Variants in DCAF12 observed in about 807,000 individuals in gnomAD.
The protein encoded by DCAF12 is DDB1- and CUL4-associated factor 12.
A neutral mutation model predicts 52.8 loss-of-function variants in DCAF12; 28 were observed. The observed-to-expected ratio is 0.53, with a 90% confidence interval of 0.39 to 0.73. The LOEUF (loss-of-function observed/expected upper bound fraction) is 0.73. Ranked by LOEUF, DCAF12 falls within the 30% of genes least tolerant of loss-of-function variation. DCAF12 has a pLI of 0.00. For missense variants in DCAF12, 425 were observed against 552.2 expected, an observed-to-expected ratio of 0.77 and a Z score of 2.31; for synonymous variants, 196 against 215.5, an observed-to-expected ratio of 0.91 and a Z score of 0.79.
chr9:34,112,283 G>A (rs1015833185), intron 2 of DCAF12, among the ~76,000 whole-genome samples: 1 of 152,064 alleles, frequency 6.6e-6, no homozygotes, highest in Non-Finnish European at 1.5e-5. Flanking sequence ...AATGTGAGTG[G>A]GTTTCTTATC....
chr9:34,123,195 C>T (rs1444315774), intron 2 of DCAF12, among the ~76,000 whole-genome samples: 1 of 152,196 alleles, frequency 6.6e-6, no homozygotes, highest in African/African-American at 2.4e-5. Context: ...TACATCAAAA[C>T]TTTCCTATTG....
At chr9:34,104,903 G>GC (rs973901275) in intron 4 of DCAF12, among the ~76,000 whole-genome samples, 8 of 150,486 alleles carry the variant, frequency 5.3e-5, no homozygotes, top group African/African-American at 1.5e-4. Flanking sequence ...GGGCAACACA[G>GC]CAAGACTCCG....
At chr9:34,110,453 C>G (rs1340803148) in intron 2 of DCAF12, among the ~76,000 whole-genome samples, 1 of 152,140 alleles carries the variant, frequency 6.6e-6, no homozygotes, top group East Asian at 1.9e-4. Flanking sequence ...AGTCTTTGTG[C>G]CTTCAGGCAA....
At chr9:34,104,918 C>CA (rs56012187) in intron 4 of DCAF12, among the ~76,000 whole-genome samples, 3,933 of 126,204 alleles carry the variant, frequency 0.031, 68 homozygotes, top group Non-Finnish European at 0.041. Flanking sequence ...ACTCCGTCTC[C>CA]AAAAAAAAAA....
At chr9:34,089,375 A>T in intron 8 of DCAF12, 37 bp downstream of exon 8, 1 of 1,550,686 alleles carries the variant, frequency 6.4e-7, no homozygotes, top group Non-Finnish European at 8.7e-7. Flanking sequence ...TTTTTCTGTT[A>T]CTGTGTAGCA....
chr9:34,108,162 T>C (rs907263635), intron 2 of DCAF12, among the ~76,000 whole-genome samples: 1 of 152,190 alleles, frequency 6.6e-6, no homozygotes, highest in Non-Finnish European at 1.5e-5. Flanking sequence ...TCCACCTCTT[T>C]ACCCTCCAAG....
At chr9:34,121,662 C>T (rs1168447006) in intron 2 of DCAF12, among the ~76,000 whole-genome samples, 1 of 152,048 alleles carries the variant, frequency 6.6e-6, no homozygotes, top group South Asian at 2.1e-4. Context: ...GCCCTCTTTT[C>T]GGCCAGGCGC....
At chr9:34,101,240 T>G (rs1828825006) in intron 4 of DCAF12, among the ~76,000 whole-genome samples, 1 of 151,724 alleles carries the variant, frequency 6.6e-6, no homozygotes, top group Non-Finnish European at 1.5e-5. Context: ...CCCAGGTAAT[T>G]TTTTATTTTC....
At position 34,125,223 on chromosome 9, in the gene DCAF12, A is replaced by T. The variant is rs765672226; in HGVS notation, c.133T>A (p.Ser45Thr). Residue 45 changes from serine (S) to threonine (T), a missense_variant, in exon 2 of 9, where the codon TCC becomes ACC. Physicochemically the swap from Ser to Thr is moderately conservative, Grantham distance 58 (BLOSUM62 1). Transcript: ENST00000361264. Reference protein sequence around the residue: ...KRKRLPPVKRSLVYYLKNREV... With the variant: ...KRKRLPPVKRTLVYYLKNREV... ...CGGTTCTTCAAGTAGTATACTAAGG[A>T]TCTCTTCACAGGAGGAAGTCTTTTC... 2 of 1,614,038 alleles carry T rather than the reference A, an allele frequency of 1.2e-6. No individual in the cohort carries two copies. Among genetic ancestry groups the T allele is most frequent in the Non-Finnish European group, 1.7e-6 (2 of 1,180,056 alleles).
chr9:34,098,263 T>C (rs1334650847), intron 5 of DCAF12, 61 bp downstream of exon 5: 2 of 1,534,394 alleles, frequency 1.3e-6, no homozygotes, highest in African/African-American at 2.7e-5. Context: ...GAAAAAGGAG[T>C]GCATATCCCA....
intron 2 of DCAF12, among the ~76,000 whole-genome samples, chr9:34,118,880 G>A (rs1391462885): frequency 6.6e-6 from 1 of 152,196 alleles, no homozygotes; most frequent in East Asian, 1.9e-4. Context: ...CAGAAGAATC[G>A]CTTGAACCTG....
chr9:34,108,562 C>T (rs548935708), intron 2 of DCAF12, among the ~76,000 whole-genome samples: 2 of 152,068 alleles, frequency 1.3e-5, no homozygotes, highest in African/African-American at 2.4e-5. Flanking sequence ...GAGGCCAAGG[C>T]GGGCGGATCA....
intron 5 of DCAF12, 47 bp downstream of exon 5, chr9:34,098,277 C>T (rs1828770416): frequency 2.5e-6 from 4 of 1,578,512 alleles, no homozygotes; most frequent in Non-Finnish European, 3.5e-6. Context: ...TATCCCAAGA[C>T]ATAAGCAAGA....
intron 7 of DCAF12, among the ~76,000 whole-genome samples, chr9:34,091,765 A>T (rs1474973731): frequency 6.6e-6 from 1 of 152,016 alleles, no homozygotes; most frequent in East Asian, 1.9e-4. Context: ...GCCTTTTAGG[A>T]CTCTCAGGAT....
chr9:34,113,643 A>G (rs1412481876), intron 2 of DCAF12, among the ~76,000 whole-genome samples: 4 of 152,136 alleles, frequency 2.6e-5, no homozygotes, highest in Non-Finnish European at 5.9e-5. Flanking sequence ...CCAAGGCTGA[A>G]TTTTCTTTAA....
At chr9:34,098,275 G>A (rs778757764) in intron 5 of DCAF12, 49 bp downstream of exon 5, 1 of 1,576,196 alleles carries the variant, frequency 6.3e-7, no homozygotes, top group South Asian at 1.2e-5. Context: ...CATATCCCAA[G>A]ACATAAGCAA....
chr9:34,088,751 C>A (rs1482100310), intron 8 of DCAF12, among the ~76,000 whole-genome samples: 1 of 152,142 alleles, frequency 6.6e-6, no homozygotes, highest in Non-Finnish European at 1.5e-5. Flanking sequence ...TCTCAGGAGA[C>A]TTAGAACCAA....
rs572878381 is a variant in DCAF12, at chr9:34,086,542, A to G, written c.*1808T>C. 3 of 152,302 alleles carry G rather than the reference A, an allele frequency of 2.0e-5. No individual in the cohort carries two copies. The East Asian group carries it at 5.8e-4, about 29-fold the overall frequency. 9.4% of individuals were successfully genotyped at this position (152,302 alleles called of 1,614,324 possible). On this transcript the variant is annotated 3_prime_UTR_variant, in exon 9 of 9. Transcript: ENST00000361264. The stretch of plus-strand genomic sequence containing the variant: ...TACTGAAGATTTTTTTTTTAAATAT[A>G]CAAGTCAGTTTAAAATGATAGAAGT...
At chr9:34,119,659 C>T (rs946900400) in intron 2 of DCAF12, among the ~76,000 whole-genome samples, 24 of 149,804 alleles carry the variant, frequency 1.6e-4, no homozygotes, top group Non-Finnish European at 3.1e-4. Flanking sequence ...AAGGGTATAA[C>T]ATTTTTAGGC....
Sources: gnomAD v4.1 joint callset for allele counts (sites outside exome capture counted in the v4.1 genomes callset) on GRCh38, gnomAD v4.1.1 for gene constraint, MANE v1.5 for transcripts, NCBI Gene and HGNC (gene_info 2026-07-23, HGNC 2026-07-21) for gene names.